The following HMGB1 variants were observed in gnomAD, a reference collection of about 807,000 sequenced individuals.
The protein encoded by HMGB1 is high mobility group protein B1.
For synonymous variants in HMGB1, 81 were observed against 84.0 expected, an observed-to-expected ratio of 0.96 and a Z score of 0.19; for missense variants, 79 against 253.5, an observed-to-expected ratio of 0.31 and a Z score of 4.67.
chr13:30,461,226 G>A lies in HMGB1; in HGVS notation c.*131C>T. 4 of 1,297,574 alleles carry A rather than the reference G, an allele frequency of 3.1e-6. No individual in the cohort carries two copies. Among genetic ancestry groups the A allele is most frequent in the Non-Finnish European group, 4.2e-6 (4 of 962,774 alleles). 80.4% of individuals were successfully genotyped at this position (1,297,574 alleles called of 1,614,324 possible). A position where few individuals can be genotyped will look rare whatever the true frequency, so the allele number is the denominator to read the frequency against. ...GTAGTGTGTTAACTATACAAAAAAA[G>A]ACACTGTACAGTTTAAAAACAAATC... On this transcript the variant is annotated 3_prime_UTR_variant, in exon 5 of 5. Transcript: ENST00000341423.
chr13:30,551,761 A>G (rs961845374), intron 1 of HMGB1, among the ~76,000 whole-genome samples: 2 of 152,164 alleles, frequency 1.3e-5, no homozygotes, highest in African/African-American at 2.4e-5. Context: ...GCTGGAGTGC[A>G]GTGGTGCGAT....
intron 1 of HMGB1, among the ~76,000 whole-genome samples, chr13:30,580,967 G>T (rs570534907): frequency 6.6e-6 from 1 of 152,034 alleles, no homozygotes; most frequent in Non-Finnish European, 1.5e-5. Context: ...CTGGGACAGG[G>T]TCTCACTCTG....
intron 1 of HMGB1, among the ~76,000 whole-genome samples, chr13:30,584,753 G>A (rs988111181): frequency 9.9e-5 from 15 of 151,908 alleles, no homozygotes; most frequent in African/African-American, 3.6e-4. Flanking sequence ...CATTGTTTTA[G>A]CACCCAGATA....
intron 1 of HMGB1, among the ~76,000 whole-genome samples, chr13:30,574,160 CA>C (rs1196380642): frequency 6.6e-6 from 1 of 152,224 alleles, no homozygotes; most frequent in Non-Finnish European, 1.5e-5. Context: ...AGCCACTTCC[CA>C]TATGAAATCC....
chr13:30,601,463 T>TAAGGTAACTACCTACTTTTTATA (rs1593338669), intron 1 of HMGB1, among the ~76,000 whole-genome samples: 6 of 115,762 alleles, frequency 5.2e-5, no homozygotes, highest in South Asian at 5.2e-4. Flanking sequence ...ATGAGGGTTG[T>TAAGGTAACTACCTACTTTTTATA]GGCCGGGCGC....
At chr13:30,467,423 T>C (rs375487838), upstream of HMGB1, among the ~76,000 whole-genome samples, 52 of 152,390 alleles carry the variant, frequency 3.4e-4, 1 homozygote, top group East Asian at 2.7e-3. Context: ...TTTCCTGTTT[T>C]AATGTTGATT....
chr13:30,566,385 C>T (rs1466023760), intron 1 of HMGB1, among the ~76,000 whole-genome samples: 1 of 152,180 alleles, frequency 6.6e-6, no homozygotes, highest in African/African-American at 2.4e-5. Flanking sequence ...GTTTCTGTTC[C>T]AGCTATAAAC....
At chr13:30,487,332 C>T (rs764702033) in intron 1 of HMGB1, among the ~76,000 whole-genome samples, 1 of 152,190 alleles carries the variant, frequency 6.6e-6, no homozygotes, top group Non-Finnish European at 1.5e-5. Context: ...CTGCAAGGAG[C>T]GCCATGAAAT....
In HMGB1 at chr13:30,615,010, G is replaced by A. The variant is rs7982846; in HGVS notation, c.-15+1661C>T. ...CAGGTGTGAGCCACCACGCCCGGCCGAGTTGTCATGTTTTATCTAAATTTT... is the reference window on the plus strand; with the variant it reads ...CAGGTGTGAGCCACCACGCCCGGCCAAGTTGTCATGTTTTATCTAAATTTT... On this transcript the variant is annotated intron_variant, in intron 1 of 4. Transcript: ENST00000405805. 4.0e-3 allele frequency among the ~76,000 whole-genome samples: 606 copies of A among 151,810 alleles called. 4 individuals carry two copies. Among genetic ancestry groups the A allele is most frequent in the African/African-American group, 0.014 (576 of 41,398 alleles).
In HMGB1 at chr13:30,459,926, A is replaced by C. The variant is rs1172104689; in HGVS notation, c.*1431T>G. 1 of 152,624 alleles carries C rather than the reference A, an allele frequency of 6.6e-6. No homozygotes were observed. The highest frequency in any genetic ancestry group is 2.4e-5 in the African/African-American group (1 of 41,444). The allele number at this position is 152,624 out of a possible 1,614,324, so 9.5% of individuals were successfully genotyped here. A position where few individuals can be genotyped will look rare whatever the true frequency, so the allele number is the denominator to read the frequency against. ...TTCAGTATTCCTCCTGAAATTACAT[A>C]AACAAATGCAAATGGAAAGAATCCA... On this transcript the variant is annotated 3_prime_UTR_variant, in exon 5 of 5. Transcript: ENST00000341423.
intron 1 of HMGB1, among the ~76,000 whole-genome samples, chr13:30,607,594 GT>G (rs1255577582): frequency 3.9e-5 from 6 of 152,024 alleles, no homozygotes; most frequent in Admixed American, 1.3e-4. Context: ...CTTTACAGCA[GT>G]GTGAAAATAG....
intron 1 of HMGB1, among the ~76,000 whole-genome samples, chr13:30,582,695 C>T (rs1243671182): frequency 6.6e-6 from 1 of 151,814 alleles, no homozygotes; most frequent in Non-Finnish European, 1.5e-5. Flanking sequence ...AAATTACAGT[C>T]CAAGAAGAAG....
chr13:30,474,349 G>T (rs903726438), intron 1 of HMGB1, among the ~76,000 whole-genome samples: 4 of 152,082 alleles, frequency 2.6e-5, no homozygotes, highest in African/African-American at 9.7e-5. Context: ...TGAAAAAGAT[G>T]GTCCTCTTCA....
intron 1 of HMGB1, among the ~76,000 whole-genome samples, chr13:30,512,284 G>A (rs1163124782): frequency 1.3e-5 from 2 of 152,190 alleles, no homozygotes; most frequent in Non-Finnish European, 2.9e-5. Context: ...GGATTTGAAG[G>A]TGATTGTAAT....
At chr13:30,611,679 G>A (rs979137486) in intron 1 of HMGB1, among the ~76,000 whole-genome samples, 2 of 151,798 alleles carry the variant, frequency 1.3e-5, no homozygotes, top group Admixed American at 1.3e-4. Context: ...GTTTACAAAC[G>A]TTTCTACTTC....
At chr13:30,499,206 G>T (rs1006701139) in intron 1 of HMGB1, among the ~76,000 whole-genome samples, 1 of 152,086 alleles carries the variant, frequency 6.6e-6, no homozygotes, top group Non-Finnish European at 1.5e-5. Flanking sequence ...ACCCGCCTCA[G>T]CCTCCCAACC....
chr13:30,553,854 C>T lies in HMGB1; in HGVS notation c.-15+62817G>A, dbSNP rs190447863. Reference sequence around the variant, plus strand: ...ATATGATCACAGTCGTGTTAAACTGCAGAATACTGAGAATGATTATATTAA... The same window carrying T: ...ATATGATCACAGTCGTGTTAAACTGTAGAATACTGAGAATGATTATATTAA... On this transcript the variant is annotated intron_variant, in intron 1 of 4. Coordinates refer to the HMGB1 transcript ENST00000405805. 1.5e-4 allele frequency: 197 copies of T among 1,333,672 alleles called. No homozygotes were observed. In the East Asian group the frequency reaches 2.9e-3, roughly 20 times the overall value. 82.6% of individuals were successfully genotyped at this position (1,333,672 alleles called of 1,614,324 possible).
At chr13:30,607,192 G>C (rs1950468151) in intron 1 of HMGB1, among the ~76,000 whole-genome samples, 1 of 152,104 alleles carries the variant, frequency 6.6e-6, no homozygotes, top group Non-Finnish European at 1.5e-5. Flanking sequence ...TCAGTAGATG[G>C]GCATGAGGCA....
At chr13:30,474,759 C>CTT (rs549499620) in intron 1 of HMGB1, among the ~76,000 whole-genome samples, 10,367 of 92,388 alleles carry the variant, frequency 0.11, 1,125 homozygotes, top group South Asian at 0.2. Flanking sequence ...TCTCTCTCTC[C>CTT]TTTTTTTTTT....
Sources: gnomAD v4.1 joint callset for allele counts (sites outside exome capture counted in the v4.1 genomes callset) on GRCh38, gnomAD v4.1.1 for gene constraint, MANE v1.5 for transcripts, NCBI Gene and HGNC (gene_info 2026-07-23, HGNC 2026-07-21) for gene names.